The following KAT7 variants were observed in gnomAD, a reference collection of about 807,000 sequenced individuals.
The protein encoded by KAT7 is histone acetyltransferase KAT7.
A neutral mutation model predicts 82.1 loss-of-function variants in KAT7; 10 were observed. The ratio of observed to expected loss-of-function variants is 0.12; its 90% CI spans 0.08 to 0.21. The LOEUF (loss-of-function observed/expected upper bound fraction) is 0.21, where lower values mean the gene tolerates loss of function less well. KAT7 is among the 10% of genes least tolerant of loss of function. The probability of loss-of-function intolerance (pLI) is 1.00; values close to 1 mark genes in which losing one functional copy is unlikely to be tolerated. For synonymous variants in KAT7, 250 were observed against 262.5 expected (o/e 0.95, Z 0.46); for missense variants, 378 against 760.9 (o/e 0.50, Z 5.92).
At chr17:49,796,096 C>T (rs2073952508) in intron 2 of KAT7, among the ~76,000 whole-genome samples, 1 of 152,026 alleles carries the variant, frequency 6.6e-6, no homozygotes, top group African/African-American at 2.4e-5. Flanking sequence ...TATAAAAGGG[C>T]TGCTGAGTGC....
rs553653457 is a variant in KAT7, at chr17:49,828,932, G to A, written c.*1430G>A. 2.0e-5 allele frequency: 3 copies of A among 153,012 alleles called. No individual in the cohort carries two copies. Among genetic ancestry groups the A allele is most frequent in the Non-Finnish European group, 4.4e-5 (3 of 68,042 alleles). The allele number at this position is 153,012 out of a possible 1,614,324, so 9.5% of individuals were successfully genotyped here. A position where few individuals can be genotyped will look rare whatever the true frequency, so the allele number is the denominator to read the frequency against. Reference sequence around the variant, plus strand: ...CTAATTTTAAGCATGTTCAGTGGCAGCTCCCCTCCAGTTTCAGTGTCACTG... The same window carrying A: ...CTAATTTTAAGCATGTTCAGTGGCAACTCCCCTCCAGTTTCAGTGTCACTG... On this transcript the variant is annotated 3_prime_UTR_variant, in exon 15 of 15. Transcript: ENST00000259021.
In KAT7 at chr17:49,796,798, C is replaced by T; in HGVS notation, c.212C>T (p.Ala71Val). 2 of 1,613,832 alleles carry T rather than the reference C, an allele frequency of 1.2e-6. No individual in the cohort carries two copies. The highest frequency in any genetic ancestry group is 2.2e-5 in the East Asian group (1 of 44,896). ...NLQSFGTEEP[A>V]YSTRRVTRSQ... is the part of the protein sequence containing the mutation. Reference sequence around the variant, plus strand: ...CAGTCTTTTGGCACTGAGGAGCCTGCTTACTCTACCAGAAGAGTGACCCGT... The same window carrying T: ...CAGTCTTTTGGCACTGAGGAGCCTGTTTACTCTACCAGAAGAGTGACCCGT... The change falls in exon 3 of 15, where the codon GCT (alanine) becomes GTT (valine). Residue 71 changes from alanine (A) to valine (V), a missense_variant. Coordinates refer to ENST00000259021, the MANE Select transcript of KAT7 (RefSeq NM_007067.5).
At chr17:49,792,870 G>T (rs1056316459) in intron 2 of KAT7, among the ~76,000 whole-genome samples, 1 of 152,078 alleles carries the variant, frequency 6.6e-6, no homozygotes, top group Non-Finnish European at 1.5e-5. Flanking sequence ...GGAGTGCAGT[G>T]GTGTGATCTT....
intron 7 of KAT7, among the ~76,000 whole-genome samples, chr17:49,813,466 C>T (rs1339536063): frequency 6.6e-6 from 1 of 152,006 alleles, no homozygotes; most frequent in Non-Finnish European, 1.5e-5. Context: ...AAACATAGGG[C>T]ATGTGAATAC....
At chr17:49,813,413 A>G (rs2074194658) in intron 7 of KAT7, among the ~76,000 whole-genome samples, 1 of 151,836 alleles carries the variant, frequency 6.6e-6, no homozygotes, top group South Asian at 2.1e-4. Flanking sequence ...TTTTTTTCAT[A>G]GAATTGGAAT....
chr17:49,800,085 C>T (rs2074004913), intron 4 of KAT7, among the ~76,000 whole-genome samples: 1 of 145,514 alleles, frequency 6.9e-6, no homozygotes, highest in African/African-American at 2.5e-5. Context: ...GATCTCGGCT[C>T]ACTGCAAGCT....
In KAT7 at chr17:49,788,859, G is replaced by A; in HGVS notation, c.15+10G>A. The A allele has an allele frequency of 6.3e-7, 1 of 1,584,394 alleles. No individual in the cohort carries two copies. ...AATGCCGCGAAGGAAGGTGAGAAACGGGAGAGGAGGGATGGCGGGTTTCTA... is the reference window on the plus strand; with the variant it reads ...AATGCCGCGAAGGAAGGTGAGAAACAGGAGAGGAGGGATGGCGGGTTTCTA... On this transcript the variant is annotated intron_variant, in intron 1 of 14. Transcript: ENST00000259021.
chr17:49,800,385 C>T (rs190137860), intron 4 of KAT7, among the ~76,000 whole-genome samples: 1 of 152,248 alleles, frequency 6.6e-6, no homozygotes, highest in Non-Finnish European at 1.5e-5. Flanking sequence ...GTCTTGAACT[C>T]CATACCAGTT....
At position 49,827,015 on chromosome 17, in the gene KAT7, AAGTTAAGCAGCTCC is replaced by A. The variant is rs2074376705; in HGVS notation, c.1734+229_1734+242del. 1.5e-5 allele frequency: 7 copies of A among 475,716 alleles called. No individual in the cohort carries two copies. The South Asian group carries it at 2.0e-4, about 14-fold the overall frequency. 29.5% of individuals were successfully genotyped at this position (475,716 alleles called of 1,614,324 possible). On this transcript the variant is annotated intron_variant, in intron 14 of 14. Transcript: ENST00000259021. Reference sequence around the variant, plus strand: ...CTCCTGTCTCAAATTTGGATGACACAAGTTAAGCAGCTCCAGTTAAGCAGCTTTATGTTGTACAG... The same window carrying A: ...CTCCTGTCTCAAATTTGGATGACACAAGTTAAGCAGCTTTATGTTGTACAG...
chr17:49,827,291 ATGT>A (rs1337409689), intron 14 of KAT7, 107 bp from the exon 15 acceptor site: 6 of 688,246 alleles, frequency 8.7e-6, no homozygotes, highest in African/African-American at 7.1e-5. Context: ...ATACCCTAAT[ATGT>A]TGTTAAACCT....
intron 10 of KAT7, 40 bp from the exon 11 acceptor site, chr17:49,821,610 A>G: frequency 6.2e-7 from 1 of 1,610,954 alleles, no homozygotes. Flanking sequence ...CTGTTTAGGA[A>G]TCAGTGGCCC....
In KAT7 at chr17:49,820,204, G is replaced by A. The variant is rs138014924; in HGVS notation, c.1156-1133G>A. 1.5e-3 allele frequency among the ~76,000 whole-genome samples: 235 copies of A among 152,058 alleles called. 1 individual carries two copies. The highest frequency in any genetic ancestry group is 5.6e-3 in the African/African-American group (232 of 41,496). ...TTCGAGGCTGCAGTGAGCTATGATC[G>A]TGCTATTTCAGCCTGGGTGACAGAG... On this transcript the variant is annotated intron_variant, in intron 9 of 14. Coordinates refer to ENST00000259021, the MANE Select transcript of KAT7 (RefSeq NM_007067.5).
intron 8 of KAT7, 82 bp downstream of exon 8, chr17:49,815,995 G>C (rs1281865914): frequency 6.2e-6 from 5 of 803,218 alleles, no homozygotes; most frequent in Non-Finnish European, 1.1e-5. Flanking sequence ...AAATCAGTTT[G>C]ATGGGAATTA....
In KAT7 at chr17:49,813,000, CTTTTTTTTT is replaced by C. The variant is rs34339283; in HGVS notation, c.852+1442_852+1450del. Among the ~76,000 whole-genome samples, 447 of 102,788 alleles carry C rather than the reference CTTTTTTTTT, an allele frequency of 4.3e-3. 1 individual carries two copies. The highest frequency in any genetic ancestry group is 0.018 in the Middle Eastern group (2 of 112). The allele number at this position is 102,788 out of a possible 152,430, so 67.4% of individuals were successfully genotyped here. On this transcript the variant is annotated intron_variant, in intron 7 of 14. Coordinates refer to ENST00000259021, the MANE Select transcript of KAT7 (RefSeq NM_007067.5). ...ATAGGCATGAGCCACTGCACCCAGC[CTTTTTTTTT>C]TTTTTTTTTTTTTTTAAATTTATTT... is the stretch of plus-strand genomic sequence containing the variant.
At chr17:49,817,549 C>T (rs1208403198) in intron 8 of KAT7, among the ~76,000 whole-genome samples, 5 of 152,160 alleles carry the variant, frequency 3.3e-5, no homozygotes, top group Non-Finnish European at 4.4e-5. Flanking sequence ...CTCGGTTCAC[C>T]GCAGCCTCTG....
intron 7 of KAT7, 131 bp from the exon 8 acceptor site, chr17:49,815,672 C>G (rs1021827254): frequency 1.6e-6 from 1 of 624,104 alleles, no homozygotes; most frequent in Non-Finnish European, 2.9e-6. Flanking sequence ...TGCTCAATCC[C>G]TAGCACCTAG....
chr17:49,825,980 CTG>C lies in KAT7; in HGVS notation c.1481-18_1481-17del, dbSNP rs760222308. The C allele has an allele frequency of 4.4e-6, 7 of 1,595,414 alleles. No individual in the cohort carries two copies. The South Asian group carries it at 6.7e-5, about 15-fold the overall frequency. On this transcript the variant is annotated intron_variant, in intron 12 of 14. Coordinates refer to ENST00000259021, the MANE Select transcript of KAT7 (RefSeq NM_007067.5). ...AAGATCGAGTGTTGCTAGAAAAAGT[CTG>C]TATTTGTTCCCTGGCAGGTTATTTG...
chr17:49,811,202 G>T (rs2074160169), intron 6 of KAT7, among the ~76,000 whole-genome samples: 1 of 151,660 alleles, frequency 6.6e-6, no homozygotes, highest in African/African-American at 2.4e-5. Context: ...TGCCTCCCAG[G>T]TTCAGGTGAT....
At chr17:49,791,737 G>C in intron 1 of KAT7, 149 bp from the exon 2 acceptor site, 1 of 702,734 alleles carries the variant, frequency 1.4e-6, no homozygotes, top group East Asian at 2.5e-5. Flanking sequence ...AGTTGCCTGA[G>C]GGGGTGGGAG....
Sources: gnomAD v4.1 joint callset for allele counts (sites outside exome capture counted in the v4.1 genomes callset) on GRCh38, gnomAD v4.1.1 for gene constraint, MANE v1.5 for transcripts, NCBI Gene and HGNC (gene_info 2026-07-23, HGNC 2026-07-21) for gene names.